Variants in OR51B5 observed in about 807,000 individuals in gnomAD.
The protein encoded by OR51B5 is olfactory receptor 51B5.
For missense variants in OR51B5, 456 were observed against 374.6 expected (o/e 1.22, Z -1.79); for synonymous variants, 186 against 144.8 (o/e 1.28, Z -2.04).
chr11:5,450,413 T>G lies in OR51B5; in HGVS notation n.84+55156A>C, dbSNP rs797015359. ...CAAATAAATAAATGAATTAATTAAT[T>G]AATGAATAAAAATAAGACATAGGTC... On this transcript the variant is annotated intron_variant and non_coding_transcript_variant, in intron 1 of 4. Transcript: ENST00000415970. Among the ~76,000 whole-genome samples, 171 of 151,460 alleles carry G rather than the reference T, an allele frequency of 1.1e-3. 4 individuals carry two copies. Among genetic ancestry groups the G allele is most frequent in the African/African-American group, 3.6e-3 (151 of 41,466 alleles).
chr11:5,420,373 G>C (rs1317748109), intron 1 of OR51B5, among the ~76,000 whole-genome samples: 1 of 151,858 alleles, frequency 6.6e-6, no homozygotes, highest in African/African-American at 2.4e-5. Context: ...TTCCATTATT[G>C]CATTTTTGGA....
chr11:5,366,656 GGAAAGGAAGGAA>G (rs1409939732), intron 1 of OR51B5, among the ~76,000 whole-genome samples: 5 of 148,978 alleles, frequency 3.4e-5, no homozygotes, highest in Non-Finnish European at 3.0e-5. Flanking sequence ...AGGAAGGGAA[GGAAAGGAAGGAA>G]GAGAAGAAGA....
At chr11:5,470,462 T>C (rs1169735954) in intron 1 of OR51B5, among the ~76,000 whole-genome samples, 2 of 152,212 alleles carry the variant, frequency 1.3e-5, no homozygotes, top group African/African-American at 2.4e-5. Context: ...CTACCCATAA[T>C]GTCCTCCATG....
chr11:5,401,552 A>G (rs1042164405), intron 1 of OR51B5, among the ~76,000 whole-genome samples: 1 of 152,194 alleles, frequency 6.6e-6, no homozygotes, highest in African/African-American at 2.4e-5. Context: ...TTGCTTAATT[A>G]TTCATACAAT....
At chr11:5,348,003 G>A (rs1441436286), upstream of OR51B5, among the ~76,000 whole-genome samples, 1 of 151,982 alleles carries the variant, frequency 6.6e-6, no homozygotes, top group African/African-American at 2.4e-5. Context: ...GTCAGTGAGG[G>A]TATTTAATGA....
chr11:5,456,555 T>G (rs1020956776), intron 1 of OR51B5: 1 of 152,206 alleles, frequency 6.6e-6, no homozygotes, highest in Non-Finnish European at 1.5e-5. Context: ...ACTTGAATTT[T>G]GGTCTAAAAT....
At chr11:5,390,384 T>C in intron 1 of OR51B5, 1 of 1,579,902 alleles carries the variant, frequency 6.3e-7, no homozygotes, top group South Asian at 1.2e-5. Flanking sequence ...AAATGAGTCC[T>C]GGGGCTAAAA....
chr11:5,478,891 G>T (rs942553280), intron 1 of OR51B5, among the ~76,000 whole-genome samples: 1,958 of 150,744 alleles, frequency 0.013, 33 homozygotes, highest in African/African-American at 0.042. Context: ...CTGATTGGTG[G>T]ACCTGAAAGT....
At chr11:5,397,923 C>T (rs1345814543) in intron 1 of OR51B5, among the ~76,000 whole-genome samples, 4 of 145,602 alleles carry the variant, frequency 2.7e-5, no homozygotes, top group Admixed American at 6.7e-5. Context: ...AAGCTGGAAA[C>T]CATCATTCTC....
At chr11:5,436,112 C>G (rs555144738) in intron 1 of OR51B5, among the ~76,000 whole-genome samples, 1 of 152,014 alleles carries the variant, frequency 6.6e-6, no homozygotes, top group Admixed American at 6.6e-5. Context: ...CTGCATCACA[C>G]GCAAAAAGTA....
chr11:5,343,104 T>C, exon 1 of OR51B5: 1 of 1,613,320 alleles, frequency 6.2e-7, no homozygotes, highest in South Asian at 1.1e-5. Context: ...AGCCCAATCT[T>C]CACTACTCGA....
At chr11:5,419,026 T>C (rs1458345539) in intron 1 of OR51B5, among the ~76,000 whole-genome samples, 1 of 152,194 alleles carries the variant, frequency 6.6e-6, no homozygotes. Context: ...TGCAGGTATA[T>C]GAATTCTATA....
intron 1 of OR51B5, among the ~76,000 whole-genome samples, chr11:5,471,217 T>A (rs74861580): frequency 0.011 from 1,695 of 152,312 alleles, 32 homozygotes; most frequent in African/African-American, 0.037. Context: ...TCCCCAAAAA[T>A]TTATAACTCC....
rs547531955 is a variant in OR51B5, at chr11:5,413,357, G to C, written n.85-66447C>G. ...GGGAAAAAACAGAGCAGAAAAACTGGAAACTCTAAAAAGCAGAGCACCTCT... is the reference window on the plus strand; with the variant it reads ...GGGAAAAAACAGAGCAGAAAAACTGCAAACTCTAAAAAGCAGAGCACCTCT... On this transcript the variant is annotated intron_variant and non_coding_transcript_variant, in intron 1 of 4. Transcript: ENST00000415970. 6.6e-5 allele frequency among the ~76,000 whole-genome samples: 10 copies of C among 152,148 alleles called. No individual in the cohort carries two copies. In the South Asian group the frequency reaches 2.1e-3, roughly 32 times the overall value.
chr11:5,497,173 C>A (rs375068293), intron 1 of OR51B5, among the ~76,000 whole-genome samples: 2 of 152,170 alleles, frequency 1.3e-5, no homozygotes, highest in South Asian at 4.1e-4. Context: ...CTGGTAAATG[C>A]GTTGAGTACT....
chr11:5,451,187 A>G (rs1256850634), intron 1 of OR51B5, among the ~76,000 whole-genome samples: 2 of 152,218 alleles, frequency 1.3e-5, no homozygotes, highest in Non-Finnish European at 2.9e-5. Context: ...AAAATTAGCA[A>G]TCCCCAAGGT....
In OR51B5 at chr11:5,389,773, A is replaced by C. The variant is rs1255446621; in HGVS notation, n.85-42863T>G. On this transcript the variant is annotated intron_variant and non_coding_transcript_variant, in intron 1 of 4. Coordinates refer to the OR51B5 transcript ENST00000415970. ...ACTCTTTTTCCTTCATGGAGTCCTC[A>C]GTGCTCCTCATGATGTCCTTTGACC... 9 of 1,613,980 alleles carry C rather than the reference A, an allele frequency of 5.6e-6. 1 individual carries two copies. The Admixed American group carries it at 1.5e-4, about 27-fold the overall frequency.
At chr11:5,453,602 C>T in intron 1 of OR51B5, 1 of 1,613,638 alleles carries the variant, frequency 6.2e-7, no homozygotes, top group Non-Finnish European at 8.5e-7. Context: ...ATGCTGTGGC[C>T]CTTGGGGGAA....
chr11:5,367,511 CAT>C (rs1849388303), intron 1 of OR51B5, among the ~76,000 whole-genome samples: 2 of 152,174 alleles, frequency 1.3e-5, no homozygotes, highest in Admixed American at 1.3e-4. Flanking sequence ...TCTAAACAGT[CAT>C]AGTGCTGGTG....
Sources: allele counts gnomAD v4.1 joint callset (sites outside exome capture counted in the v4.1 genomes callset), GRCh38; gene constraint gnomAD v4.1.1; transcripts MANE v1.5; gene names NCBI Gene and HGNC (gene_info 2026-07-23, HGNC 2026-07-21).